Variants in SLC8A1 observed in about 807,000 individuals in gnomAD.
SLC8A1 encodes the protein sodium/calcium exchanger 1.
Under a neutral mutation model 68.3 loss-of-function variants are expected in SLC8A1, and 18 were observed. That is an observed-to-expected ratio of 0.26 (90% CI 0.18 to 0.39). The LOEUF (loss-of-function observed/expected upper bound fraction) is 0.39. SLC8A1 is among the 10% of genes least tolerant of loss of function. The pLI, the probability that SLC8A1 is intolerant of heterozygous loss-of-function variation, is 1.00. For missense variants in SLC8A1, 985 were observed against 1,156.7 expected (o/e 0.85, Z 2.15); for synonymous variants, 475 against 415.5 (o/e 1.14, Z -1.74).
chr2:40,283,728 C>T (rs556298582), intron 2 of SLC8A1, among the ~76,000 whole-genome samples: 2 of 152,320 alleles, frequency 1.3e-5, no homozygotes, highest in South Asian at 4.1e-4. Flanking sequence ...AAAAGCAAAA[C>T]AACTCATTCT....
chr2:40,326,376 C>G (rs772093270), intron 2 of SLC8A1, among the ~76,000 whole-genome samples: 3 of 151,572 alleles, frequency 2.0e-5, no homozygotes, highest in Non-Finnish European at 4.4e-5. Flanking sequence ...GAGGAAAGAT[C>G]AAAAATAGTC....
chr2:40,243,222 G>T (rs148510574), intron 2 of SLC8A1, among the ~76,000 whole-genome samples: 7 of 152,132 alleles, frequency 4.6e-5, no homozygotes, highest in Non-Finnish European at 1.0e-4. Flanking sequence ...AAGGCCAGGC[G>T]TGTAATCCCA....
At chr2:40,222,149 A>G (rs1016173269) in intron 2 of SLC8A1, among the ~76,000 whole-genome samples, 2 of 152,180 alleles carry the variant, frequency 1.3e-5, no homozygotes, top group Non-Finnish European at 2.9e-5. Context: ...CAAAAACAGC[A>G]TGGTACTGGT....
At chr2:40,282,649 A>G (rs2067693828) in intron 2 of SLC8A1, among the ~76,000 whole-genome samples, 2 of 152,204 alleles carry the variant, frequency 1.3e-5, no homozygotes, top group Admixed American at 6.5e-5. Context: ...GTACCGAAAT[A>G]AAAACATGAC....
intron 2 of SLC8A1, among the ~76,000 whole-genome samples, chr2:40,223,233 G>A (rs1016353359): frequency 5.3e-5 from 8 of 152,096 alleles, no homozygotes; most frequent in African/African-American, 1.9e-4. Flanking sequence ...GGATGAAGTT[G>A]GAAACCACCA....
intron 2 of SLC8A1, among the ~76,000 whole-genome samples, chr2:40,412,880 G>C (rs1030554943): frequency 6.6e-6 from 1 of 152,046 alleles, no homozygotes; most frequent in Admixed American, 6.6e-5. Context: ...TGTAATCTAG[G>C]TATTTTTTCT....
intron 7 of SLC8A1, among the ~76,000 whole-genome samples, chr2:40,137,176 A>G (rs1186878679): frequency 6.6e-6 from 1 of 152,172 alleles, no homozygotes; most frequent in East Asian, 1.9e-4. Context: ...GGCTGCCACA[A>G]TTTTCAAGAG....
intron 1 of SLC8A1, among the ~76,000 whole-genome samples, chr2:40,489,321 G>A (rs569471830): frequency 1.4e-4 from 21 of 152,106 alleles, no homozygotes; most frequent in South Asian, 4.2e-4. Flanking sequence ...CACGAGCCCC[G>A]TAAACCAAAA....
chr2:40,348,592 A>C (rs1670072810), intron 2 of SLC8A1, among the ~76,000 whole-genome samples: 1 of 152,210 alleles, frequency 6.6e-6, no homozygotes, highest in Admixed American at 6.5e-5. Context: ...GGTCACGTTT[A>C]TTAGAGATTT....
intron 2 of SLC8A1, among the ~76,000 whole-genome samples, chr2:40,330,959 A>C (rs921947717): frequency 6.6e-6 from 1 of 152,218 alleles, no homozygotes; most frequent in Admixed American, 6.5e-5. Context: ...TGAATGAATA[A>C]AAACGTCTCA....
chr2:40,167,549 T>G (rs905535368), intron 4 of SLC8A1, among the ~76,000 whole-genome samples: 1 of 152,192 alleles, frequency 6.6e-6, no homozygotes, highest in African/African-American at 2.4e-5. Flanking sequence ...TAGTGTTAAC[T>G]TATTTCATAC....
exon 2 of SLC8A1, chr2:40,429,446 C>T: frequency 1.2e-6 from 2 of 1,613,898 alleles, no homozygotes; most frequent in Non-Finnish European, 1.7e-6. Context: ...CTGTCTCCTT[C>T]ATGTTCAATA....
At chr2:40,341,365 G>A (rs1232746696) in intron 2 of SLC8A1, among the ~76,000 whole-genome samples, 2 of 152,080 alleles carry the variant, frequency 1.3e-5, no homozygotes, top group Non-Finnish European at 2.9e-5. Context: ...CTTCTAACTT[G>A]GCCCTGACTA....
intron 2 of SLC8A1, among the ~76,000 whole-genome samples, chr2:40,200,348 T>A (rs1349831155): frequency 5.8e-5 from 8 of 138,872 alleles, no homozygotes; most frequent in African/African-American, 2.2e-4. Context: ...AGCGATTTCA[T>A]TGGCTAGAGC....
intron 2 of SLC8A1, among the ~76,000 whole-genome samples, chr2:40,259,114 A>T (rs151078312): frequency 1.4e-3 from 210 of 152,254 alleles, no homozygotes; most frequent in African/African-American, 4.9e-3. Context: ...GCAGTCTCCA[A>T]CGTAGATTTC....
intron 2 of SLC8A1, among the ~76,000 whole-genome samples, chr2:40,219,165 C>T (rs139523266): frequency 1.1e-4 from 17 of 152,204 alleles, no homozygotes; most frequent in South Asian, 2.1e-4. Flanking sequence ...GATGCTGGAG[C>T]GGAGTTGGGT....
intron 2 of SLC8A1, among the ~76,000 whole-genome samples, chr2:40,239,869 T>C (rs547190554): frequency 1.4e-4 from 22 of 152,360 alleles, no homozygotes; most frequent in Middle Eastern, 6.8e-3. Flanking sequence ...AATATGTTGA[T>C]TGCATGTAGA....
At chr2:40,146,554 T>A (rs2042499295) in intron 6 of SLC8A1, among the ~76,000 whole-genome samples, 1 of 152,088 alleles carries the variant, frequency 6.6e-6, no homozygotes, top group Non-Finnish European at 1.5e-5. Context: ...CTATTATTGT[T>A]ATGTACTCAC....
intron 2 of SLC8A1, among the ~76,000 whole-genome samples, chr2:40,202,776 C>T (rs1046330818): frequency 3.9e-4 from 59 of 152,100 alleles, no homozygotes; most frequent in Admixed American, 2.9e-3. Context: ...GCCAATATGT[C>T]ATTTAATTTA....
Sources: allele counts gnomAD v4.1 joint callset (sites outside exome capture counted in the v4.1 genomes callset), GRCh38; gene constraint gnomAD v4.1.1; transcripts MANE v1.5; gene names NCBI Gene and HGNC (gene_info 2026-07-23, HGNC 2026-07-21).